Variants in CLEC4G observed in about 807,000 individuals in gnomAD.
The protein encoded by CLEC4G is C-type lectin superfamily 4, member G.
In CLEC4G, 34 loss-of-function variants were observed where a neutral mutation model predicts 37.0. That is an observed-to-expected ratio of 0.92 (90% confidence interval 0.70 to 1.22). CLEC4G has a LOEUF of 1.22. CLEC4G is among the 50% of genes most tolerant of loss of function. The pLI, the probability that CLEC4G is intolerant of heterozygous loss-of-function variation, is 0.00. For missense variants in CLEC4G, 390 were observed against 392.9 expected, an observed-to-expected ratio of 0.99 and a Z score of 0.06; for synonymous variants, 167 against 165.6, an observed-to-expected ratio of 1.01 and a Z score of -0.06.
At chr19:7,731,120 C>T (rs760166347) in intron 3 of CLEC4G, 32 bp from the exon 4 acceptor site, 3 of 1,604,228 alleles carry the variant, frequency 1.9e-6, no homozygotes, top group Non-Finnish European at 2.5e-6. Flanking sequence ...AATGCATGCC[C>T]CTCGGGTCAC....
rs769164537 is a variant in CLEC4G, at chr19:7,730,038, A to G, written c.608T>C (p.Val203Ala). The change falls in exon 7 of 9, where the codon GTT becomes GCT. Residue 203 changes from valine (V) to alanine (A), a missense_variant. Physicochemically the swap from Val to Ala is moderately conservative, Grantham distance 64 (BLOSUM62 0). Coordinates refer to ENST00000328853, the MANE Select transcript of CLEC4G (RefSeq NM_198492.4). The surrounding 1 kb of genome is among the most constrained non-coding windows in gnomAD (Gnocchi z 7.3). ...CADASAHLVIVGGLDEQGFLT... is the reference protein window; with the variant it reads ...CADASAHLVIAGGLDEQGFLT... ...GCGCACCTGCTCATCCAGGCCCCCAACGATCACCAGGTGCGCGCTGGCATC... is the reference window on the plus strand; with the variant it reads ...GCGCACCTGCTCATCCAGGCCCCCAGCGATCACCAGGTGCGCGCTGGCATC... 8.7e-6 allele frequency: 14 copies of G among 1,601,748 alleles called. No homozygotes were observed. The highest frequency in any genetic ancestry group is 1.1e-5 in the Non-Finnish European group (13 of 1,176,054).
chr19:7,730,222 G>C lies in CLEC4G; in HGVS notation c.479-55C>G. ...CGTGCTTCCAGGGGCAACGCACCGA[G>C]AGGATGCAGTGGGTAGGGGTTCGGC... is the stretch of plus-strand genomic sequence containing the variant. On this transcript the variant is annotated intron_variant, in intron 6 of 8. Transcript: ENST00000328853. The surrounding 1 kb of genome is among the most constrained non-coding windows in gnomAD (Gnocchi z 7.3). 6.3e-7 allele frequency: 1 copy of C among 1,596,664 alleles called. No homozygotes were observed. The highest frequency in any genetic ancestry group is 8.5e-7 in the Non-Finnish European group (1 of 1,172,856).
At position 7,730,717 on chromosome 19, in the gene CLEC4G, G is replaced by C; in HGVS notation, c.388+38C>G. ...GGACGGGGTCGGGGTCGGGGGACGC[G>C]GCCAGGGCTCAGGGCCGGGGTCGCG... is the stretch of plus-strand genomic sequence containing the variant. On this transcript the variant is annotated intron_variant, in intron 5 of 8. Transcript: ENST00000328853. This position sits in a 1 kb window ranked among gnomAD's most constrained non-coding sequence, Gnocchi z 7.3. 1 of 1,514,748 alleles carries C rather than the reference G, an allele frequency of 6.6e-7. No homozygotes were observed. Among genetic ancestry groups the C allele is most frequent in the Non-Finnish European group, 8.8e-7 (1 of 1,136,012 alleles). 93.8% of individuals were successfully genotyped at this position (1,514,748 alleles called of 1,614,324 possible). A position where few individuals can be genotyped will look rare whatever the true frequency, so the allele number is the denominator to read the frequency against.
Position 7,729,019 on chromosome 19 carries a change from T to G in CLEC4G, c.*347A>C, listed in dbSNP as rs917176738. On this transcript the variant is annotated 3_prime_UTR_variant, in exon 9 of 9. Coordinates refer to ENST00000328853, the MANE Select transcript of CLEC4G (RefSeq NM_198492.4). The stretch of plus-strand genomic sequence containing the variant: ...TCAGGCTGCAAAAACAGCTTCCAGT[T>G]TGGTGGAAAATGCGAGAAAACCAAA... 95 of 392,138 alleles carry G rather than the reference T, an allele frequency of 2.4e-4. 1 individual carries two copies. Among genetic ancestry groups the G allele is most frequent in the African/African-American group, 1.9e-3 (91 of 48,186 alleles). The allele number at this position is 392,138 out of a possible 1,614,324, so 24.3% of individuals were successfully genotyped here.
Position 7,730,246 on chromosome 19 carries a change from G to T in CLEC4G, c.479-79C>A, listed in dbSNP as rs758116896. On this transcript the variant is annotated intron_variant, in intron 6 of 8. Coordinates refer to ENST00000328853, the MANE Select transcript of CLEC4G (RefSeq NM_198492.4). This position sits in a 1 kb window ranked among gnomAD's most constrained non-coding sequence, Gnocchi z 7.3. ...AGAGGATGCAGTGGGTAGGGGTTCGGCCCCGCGGGCTCAGGGGTGGAGACA... is the reference window on the plus strand; with the variant it reads ...AGAGGATGCAGTGGGTAGGGGTTCGTCCCCGCGGGCTCAGGGGTGGAGACA... The T allele has an allele frequency of 6.3e-6, 10 of 1,576,680 alleles. No individual in the cohort carries two copies. Among genetic ancestry groups the T allele is most frequent in the Non-Finnish European group, 7.7e-6 (9 of 1,163,578 alleles).
chr19:7,731,722 G>T lies in CLEC4G; in HGVS notation c.105C>A (p.Ala35=), dbSNP rs78770256. The change falls in exon 2 of 9, where the codon GCC becomes GCA. Residue 35 remains alanine (A), a synonymous_variant. Coordinates refer to ENST00000328853, the MANE Select transcript of CLEC4G (RefSeq NM_198492.4). ...VHWSRRPLFL[A]LAVLVTTVLW... is the part of the protein sequence containing the mutation. The stretch of plus-strand genomic sequence containing the variant: ...GGACTGTGGTGACCAGGACAGCCAG[G>T]GCCAAGAAGAGGGGTCTCCTGCTCC... The T allele has an allele frequency of 6.2e-7, 1 of 1,614,030 alleles. No homozygotes were observed. The highest frequency in any genetic ancestry group is 8.5e-7 in the Non-Finnish European group (1 of 1,179,986).
chr19:7,730,424 A>T lies in CLEC4G; in HGVS notation c.405T>A (p.Ala135=). Residue 135 remains alanine, a synonymous_variant, in exon 6 of 9, where the codon GCT becomes GCA. Coordinates refer to ENST00000328853, the MANE Select transcript of CLEC4G (RefSeq NM_198492.4). The surrounding 1 kb of genome is among the most constrained non-coding windows in gnomAD (Gnocchi z 7.3). ...CGTCCTCACGGCCCCTGCCGGCTTCAGCCAAGCCCTGGGTCACTGCGGGGT... is the reference window on the plus strand; with the variant it reads ...CGTCCTCACGGCCCCTGCCGGCTTCTGCCAAGCCCTGGGTCACTGCGGGGT... ...ELRERVTQGL[A]EAGRGREDVR... The T allele has an allele frequency of 6.2e-7, 1 of 1,601,546 alleles. No homozygotes were observed. Among genetic ancestry groups the T allele is most frequent in the African/African-American group, 1.3e-5 (1 of 75,040 alleles).
At position 7,730,808 on chromosome 19, in the gene CLEC4G, G is replaced by A. The variant is rs373933021; in HGVS notation, c.335C>T (p.Ala112Val). The A allele has an allele frequency of 6.5e-7, 1 of 1,532,562 alleles. No individual in the cohort carries two copies. The highest frequency in any genetic ancestry group is 8.7e-7 in the Non-Finnish European group (1 of 1,145,912). 94.9% of individuals were successfully genotyped at this position (1,532,562 alleles called of 1,614,324 possible). A position where few individuals can be genotyped will look rare whatever the true frequency, so the allele number is the denominator to read the frequency against. ...CTCCTGCTCCATCAGCTTCGCCTGC[G>A]CCTCCCCAAGCTCCGCGCGCGTGGT... ...LQTTRAELGEAQAKLMEQESA... is the reference protein window; with the variant it reads ...LQTTRAELGEVQAKLMEQESA... The change falls in exon 5 of 9, where the codon GCG becomes GTG. Residue 112 changes from alanine (A) to valine (V), a missense_variant. By Grantham distance (64) the Ala-to-Val change is moderately conservative. Coordinates refer to ENST00000328853, the MANE Select transcript of CLEC4G (RefSeq NM_198492.4). The surrounding 1 kb of genome is among the most constrained non-coding windows in gnomAD (Gnocchi z 7.3).
chr19:7,730,043 C>T lies in CLEC4G; in HGVS notation c.603G>A (p.Val201=), dbSNP rs2033403487. ...CCTGCTCATCCAGGCCCCCAACGATCACCAGGTGCGCGCTGGCATCTGCGC... is the reference window on the plus strand; with the variant it reads ...CCTGCTCATCCAGGCCCCCAACGATTACCAGGTGCGCGCTGGCATCTGCGC... ...DHCADASAHL[V]IVGGLDEQGF... The change falls in exon 7 of 9, where the codon GTG becomes GTA. Residue 201 remains valine, a synonymous_variant. Transcript: ENST00000328853. This position sits in a 1 kb window ranked among gnomAD's most constrained non-coding sequence, Gnocchi z 7.3. 3.1e-6 allele frequency: 5 copies of T among 1,602,748 alleles called. No individual in the cohort carries two copies. The highest frequency in any genetic ancestry group is 1.3e-5 in the African/African-American group (1 of 74,724).
Position 7,729,891 on chromosome 19 carries a change from G to C in CLEC4G, c.673C>G (p.Leu225Val). ...NTRGRGYWLG[L>V]RAVRHLGKVQ... is the part of the protein sequence containing the mutation. ...TTGCCCAGATGGCGCACAGCCCTCA[G>C]GCCCAGCCAGTAACCACGGCCACGC... Residue 225 changes from leucine (L) to valine (V), a missense_variant, in exon 8 of 9, where the codon CTG becomes GTG. Leu to Val is a conservative substitution (Grantham distance 32). Transcript: ENST00000328853. The C allele has an allele frequency of 6.2e-7, 1 of 1,614,160 alleles. No individual in the cohort carries two copies.
At chr19:7,731,220 C>T in intron 3 of CLEC4G, 46 bp downstream of exon 3, 1 of 1,574,568 alleles carries the variant, frequency 6.4e-7, no homozygotes, top group Non-Finnish European at 8.6e-7. Flanking sequence ...TCAGAAACTC[C>T]CGCCCCTCAC....
Position 7,730,945 on chromosome 19 carries a change from C to T in CLEC4G, c.283+81G>A. 2 of 1,463,594 alleles carry T rather than the reference C, an allele frequency of 1.4e-6. No individual in the cohort carries two copies. Among genetic ancestry groups the T allele is most frequent in the South Asian group, 2.5e-5 (2 of 78,510 alleles). 90.7% of individuals were successfully genotyped at this position (1,463,594 alleles called of 1,614,324 possible). ...AGCCCCCGCCCCGCACCACCCGCCG[C>T]AGGCCTCCGCCCCGGCCCCCCTCCC... On this transcript the variant is annotated intron_variant, in intron 4 of 8. Coordinates refer to ENST00000328853, the MANE Select transcript of CLEC4G (RefSeq NM_198492.4). The surrounding 1 kb of genome is among the most constrained non-coding windows in gnomAD (Gnocchi z 7.3).
intron 8 of CLEC4G, 133 bp from the exon 9 acceptor site, chr19:7,729,637 G>A: frequency 8.2e-7 from 1 of 1,213,538 alleles, no homozygotes; most frequent in Non-Finnish European, 1.1e-6. Flanking sequence ...TCTAACCTGA[G>A]TATACACCTG....
Position 7,729,266 on chromosome 19 carries a change from GA to G in CLEC4G, c.*99del. On this transcript the variant is annotated 3_prime_UTR_variant, in exon 9 of 9. Coordinates refer to ENST00000328853, the MANE Select transcript of CLEC4G (RefSeq NM_198492.4). ...AGACTCAGCAGCGGTGGATGAGGAA[GA>G]AAAAACTCTTTGGCAATCAGCTCCA... is the stretch of plus-strand genomic sequence containing the variant. 1 of 831,406 alleles carries G rather than the reference GA, an allele frequency of 1.2e-6. No homozygotes were observed. The highest frequency in any genetic ancestry group is 2.4e-5 in the East Asian group (1 of 41,244). 51.5% of individuals were successfully genotyped at this position (831,406 alleles called of 1,614,324 possible).
chr19:7,729,934 G>T lies in CLEC4G; in HGVS notation c.630C>A (p.Gly210=). ...GGCCACGCGTGTTCCGAGTGAGGAA[G>T]CCCTAGAAAGGAGGGGACATCTGAG... ...LVIVGGLDEQ[G]FLTRNTRGRG... The change falls in exon 8 of 9, where the codon GGC becomes GGA. Residue 210 remains glycine (G), a splice_region_variant and synonymous_variant. Transcript: ENST00000328853. The T allele has an allele frequency of 1.9e-6, 3 of 1,613,988 alleles. No homozygotes were observed. Among genetic ancestry groups the T allele is most frequent in the Middle Eastern group, 1.6e-4 (1 of 6,062 alleles).
intron 1 of CLEC4G, 28 bp from the exon 2 acceptor site, chr19:7,731,799 T>A: frequency 6.2e-7 from 1 of 1,603,546 alleles, no homozygotes; most frequent in Non-Finnish European, 8.5e-7. Flanking sequence ...GCATGCTGGG[T>A]CCCCCAGAAC....
chr19:7,731,016 GC>G lies in CLEC4G; in HGVS notation c.283+9del, dbSNP rs2033423186. 1.3e-6 allele frequency: 2 copies of G among 1,589,624 alleles called. No homozygotes were observed. Among genetic ancestry groups the G allele is most frequent in the African/African-American group, 1.4e-5 (1 of 73,220 alleles). On this transcript the variant is annotated intron_variant, in intron 4 of 8. Coordinates refer to ENST00000328853, the MANE Select transcript of CLEC4G (RefSeq NM_198492.4). ...TCCCTGCGCCCACAGCCTCGACCGCGCCCCCTCACAGCAGCTGTGGCAGTCT... is the reference window on the plus strand; with the variant it reads ...TCCCTGCGCCCACAGCCTCGACCGCGCCCCTCACAGCAGCTGTGGCAGTCT...
Position 7,730,932 on chromosome 19 carries a change from G to GCC in CLEC4G, c.284-74_284-73insGG. 8.3e-7 allele frequency: 1 copy of GCC among 1,203,272 alleles called. No homozygotes were observed. The allele number at this position is 1,203,272 out of a possible 1,614,324, so 74.5% of individuals were successfully genotyped here. On this transcript the variant is annotated intron_variant, in intron 4 of 8. Transcript: ENST00000328853. This position sits in a 1 kb window ranked among gnomAD's most constrained non-coding sequence, Gnocchi z 7.3. ...GACTTCGGAGACCAGCCCCCGCCCCGCACCACCCGCCGCAGGCCTCCGCCC... is the reference window on the plus strand; with the variant it reads ...GACTTCGGAGACCAGCCCCCGCCCCGCCCACCACCCGCCGCAGGCCTCCGCCC...
At chr19:7,729,669 A>G in intron 8 of CLEC4G, 152 bp downstream of exon 8, 1 of 1,400,826 alleles carries the variant, frequency 7.1e-7, no homozygotes, top group Non-Finnish European at 9.6e-7. Context: ...TTTAACGCCC[A>G]GAATTTAACC....
Sources: allele counts gnomAD v4.1 joint callset, GRCh38; gene constraint gnomAD v4.1.1; non-coding constraint Gnocchi (gnomAD v3.1); transcripts MANE v1.5; gene names NCBI Gene and HGNC (gene_info 2026-07-23, HGNC 2026-07-21).